The following TENM3 variants were observed in gnomAD, a reference collection of about 807,000 sequenced individuals.
The protein encoded by TENM3 is teneurin transmembrane protein 3, also known as teneurin-3.
Under a neutral mutation model 255.1 loss-of-function variants are expected in TENM3, and 63 were observed. That is an observed-to-expected ratio of 0.25 (90% CI 0.20 to 0.30). TENM3 has a LOEUF of 0.30. TENM3 is among the 10% of genes least tolerant of loss of function. TENM3 has a pLI of 1.00. For synonymous variants in TENM3, 1,306 were observed against 1,322.3 expected (o/e 0.99, Z 0.27); for missense variants, 2,929 against 3,461.1 (o/e 0.85, Z 3.86).
intron 22 of TENM3, among the ~76,000 whole-genome samples, chr4:182,764,581 AAGAG>A (rs1043185501): frequency 1.3e-5 from 2 of 152,186 alleles, no homozygotes; most frequent in African/African-American, 2.4e-5. Flanking sequence ...GGCTACCCAG[AAGAG>A]AGAGAAAGAG....
At chr4:181,931,504 G>T in the TENM3 span, among the ~76,000 whole-genome samples, 2 of 152,010 alleles carry the variant, frequency 1.3e-5, no homozygotes, top group Admixed American at 6.6e-5. Flanking sequence ...CACTACTCAA[G>T]GAAATCAGAG....
At chr4:182,661,771 C>G (rs1754250734) in intron 6 of TENM3, among the ~76,000 whole-genome samples, 2 of 152,152 alleles carry the variant, frequency 1.3e-5, no homozygotes, top group South Asian at 4.1e-4. Context: ...TTCCTGACGT[C>G]TTAATTATTA....
intron 3 of TENM3, among the ~76,000 whole-genome samples, chr4:182,535,908 T>C (rs1332426401): frequency 6.6e-6 from 1 of 152,180 alleles, no homozygotes; most frequent in Non-Finnish European, 1.5e-5. Context: ...GAACAGTTAC[T>C]GGCACACAAT....
At chr4:182,154,359 A>C (rs1750551567) in intron 1 of TENM3, among the ~76,000 whole-genome samples, 1 of 152,130 alleles carries the variant, frequency 6.6e-6, no homozygotes, top group African/African-American at 2.4e-5. Context: ...ATTCTCCCCT[A>C]AATCTGTGAT....
chr4:182,596,216 A>C (rs1379014588), intron 3 of TENM3, among the ~76,000 whole-genome samples: 1 of 152,244 alleles, frequency 6.6e-6, no homozygotes, highest in Non-Finnish European at 1.5e-5. Context: ...ATTACCTTAT[A>C]GTTAAAGGCA....
chr4:182,689,245 C>T (rs1306375345), intron 12 of TENM3, among the ~76,000 whole-genome samples: 1 of 152,012 alleles, frequency 6.6e-6, no homozygotes, highest in Non-Finnish European at 1.5e-5. Context: ...GTTTTACATC[C>T]CTAGGGTGAA....
the TENM3 span, among the ~76,000 whole-genome samples, chr4:181,488,472 G>A: frequency 6.6e-6 from 1 of 151,934 alleles, no homozygotes; most frequent in African/African-American, 2.4e-5. Context: ...TCGTTTTTTG[G>A]TTCAGCAATC....
chr4:182,068,022 A>G, the TENM3 span, among the ~76,000 whole-genome samples: 1 of 152,154 alleles, frequency 6.6e-6, no homozygotes, highest in African/African-American at 2.4e-5. Context: ...TGCTGGGTAT[A>G]CCATTCATGA....
chr4:182,712,565 A>C (rs756440229), intron 12 of TENM3, among the ~76,000 whole-genome samples: 4 of 152,214 alleles, frequency 2.6e-5, no homozygotes, highest in African/African-American at 4.8e-5. Flanking sequence ...GATGGTATCC[A>C]TAAGTGTAAT....
At chr4:181,686,258 G>A in the TENM3 span, among the ~76,000 whole-genome samples, 2 of 152,138 alleles carry the variant, frequency 1.3e-5, no homozygotes, top group Non-Finnish European at 2.9e-5. Flanking sequence ...TCAGTTAAAT[G>A]TTTTAGGATC....
intron 3 of TENM3, among the ~76,000 whole-genome samples, chr4:182,578,680 GT>G (rs1161410916): frequency 6.6e-6 from 1 of 152,112 alleles, no homozygotes; most frequent in Non-Finnish European, 1.5e-5. Flanking sequence ...GAGCACTCAG[GT>G]TAATCTCCCT....
At chr4:181,548,999 C>T in the TENM3 span, among the ~76,000 whole-genome samples, 1 of 152,168 alleles carries the variant, frequency 6.6e-6, no homozygotes, top group African/African-American at 2.4e-5. Flanking sequence ...GGCATTCTGG[C>T]AGAGTTGACA....
At chr4:181,540,541 T>C in the TENM3 span, among the ~76,000 whole-genome samples, 1 of 152,154 alleles carries the variant, frequency 6.6e-6, no homozygotes, top group African/African-American at 2.4e-5. Flanking sequence ...CAGCAGGCCA[T>C]GCAAGCTGAC....
chr4:182,629,170 CTG>C (rs1478496036), intron 5 of TENM3, among the ~76,000 whole-genome samples: 2 of 152,140 alleles, frequency 1.3e-5, no homozygotes, highest in Admixed American at 6.5e-5. Context: ...ATGGATAGCT[CTG>C]TGGCATTTCA....
chr4:181,758,952 C>G, the TENM3 span, among the ~76,000 whole-genome samples: 34 of 152,282 alleles, frequency 2.2e-4, no homozygotes, highest in African/African-American at 5.8e-4. Context: ...CCAACTCTTT[C>G]CATTGTTAAA....
chr4:182,526,206 T>G (rs2151813538), intron 3 of TENM3, among the ~76,000 whole-genome samples: 1 of 151,964 alleles, frequency 6.6e-6, no homozygotes, highest in East Asian at 1.9e-4. Context: ...GGGCTCGATC[T>G]CCTGACCTCG....
At chr4:182,100,454 T>G in the TENM3 span, among the ~76,000 whole-genome samples, 1 of 101,512 alleles carries the variant, frequency 9.9e-6, no homozygotes, top group Admixed American at 1.0e-4. Flanking sequence ...AAAAAATATA[T>G]ATATATATAT....
chr4:182,295,867 A>T (rs1172115911), intron 1 of TENM3, among the ~76,000 whole-genome samples: 1 of 152,234 alleles, frequency 6.6e-6, no homozygotes, highest in East Asian at 1.9e-4. Flanking sequence ...TCAGGACCTA[A>T]AAGTTAAACA....
At chr4:181,490,315 T>C in the TENM3 span, among the ~76,000 whole-genome samples, 2 of 152,244 alleles carry the variant, frequency 1.3e-5, no homozygotes, top group Non-Finnish European at 2.9e-5. Context: ...TGGCTCAGTA[T>C]CACCAGATGG....
Sources: gnomAD v4.1 joint callset for allele counts (sites outside exome capture counted in the v4.1 genomes callset) on GRCh38, gnomAD v4.1.1 for gene constraint, MANE v1.5 for transcripts, NCBI Gene and HGNC (gene_info 2026-07-23, HGNC 2026-07-21) for gene names.